The following B3GALNT2 variants were observed in gnomAD, a reference collection of about 807,000 sequenced individuals.
B3GALNT2 encodes UDP-GalNAc:beta-1,3-N-acetylgalactosaminyltransferase 2.
In B3GALNT2, 53 loss-of-function variants were observed where a neutral mutation model predicts 61.1. The ratio of observed to expected loss-of-function variants is 0.87; its 90% CI spans 0.70 to 1.09. B3GALNT2 has a LOEUF of 1.09. B3GALNT2 is among the 50% of genes least tolerant of loss of function. B3GALNT2 has a pLI of 0.00. For synonymous variants in B3GALNT2, 223 were observed against 237.4 expected (o/e 0.94, Z 0.56); for missense variants, 544 against 623.0 (o/e 0.87, Z 1.35).
At chr1:235,496,489 A>T (rs1237295863) in intron 1 of B3GALNT2, among the ~76,000 whole-genome samples, 1 of 152,038 alleles carries the variant, frequency 6.6e-6, no homozygotes, top group Admixed American at 6.6e-5. Context: ...ATCTGTGAAA[A>T]GCACTACATA....
At chr1:235,441,879 CTAAG>C in the B3GALNT2 span, 1 of 1,613,620 alleles carries the variant, frequency 6.2e-7, no homozygotes, top group African/African-American at 1.3e-5. Flanking sequence ...AAACCAGCTA[CTAAG>C]TAAGAATCTC....
rs1160754307 is a variant in B3GALNT2 at position 235,474,973 on chromosome 1, A to T, written c.652-4013T>A. On this transcript the variant is annotated intron_variant, in intron 5 of 11. Transcript: ENST00000366600. ...GACATATATATATATATATATATAT[A>T]TATATATATATATATTTTTTTTTTT... 3.7e-3 allele frequency among the ~76,000 whole-genome samples: 111 copies of T among 29,760 alleles called. 24 individuals carry two copies. In the East Asian group the frequency reaches 0.043, roughly 11 times the overall value. 19.5% of individuals were successfully genotyped at this position (29,760 alleles called of 152,430 possible).
chr1:235,498,335 CA>C (rs904494332), intron 1 of B3GALNT2, among the ~76,000 whole-genome samples: 17 of 152,170 alleles, frequency 1.1e-4, no homozygotes, highest in African/African-American at 2.9e-4. Context: ...AAGAAGTAAA[CA>C]TGATACAGAA....
intron 1 of B3GALNT2, among the ~76,000 whole-genome samples, chr1:235,499,916 A>T (rs291342): frequency 0.45 from 68,773 of 151,880 alleles, 16,195 homozygotes; most frequent in Non-Finnish European, 0.5. Context: ...TATAGAAAGG[A>T]GGTGGTGGGG....
At chr1:235,455,301 G>C (rs983336263) in intron 9 of B3GALNT2, among the ~76,000 whole-genome samples, 2 of 151,930 alleles carry the variant, frequency 1.3e-5, no homozygotes, top group African/African-American at 4.8e-5. Flanking sequence ...GTAGGGACAG[G>C]GTCTTGCAAC....
intron 5 of B3GALNT2, among the ~76,000 whole-genome samples, chr1:235,477,078 C>G (rs1684324693): frequency 6.6e-6 from 1 of 151,548 alleles, no homozygotes; most frequent in African/African-American, 2.4e-5. Flanking sequence ...GTCTTAATAA[C>G]TACAAAGGTA....
At position 235,504,323 on chromosome 1, in the gene B3GALNT2, A is replaced by G; in HGVS notation, c.-71T>C. 7.0e-7 allele frequency: 1 copy of G among 1,436,426 alleles called. No individual in the cohort carries two copies. The highest frequency in any genetic ancestry group is 1.3e-5 in the South Asian group (1 of 75,438). The allele number at this position is 1,436,426 out of a possible 1,614,324, so 89.0% of individuals were successfully genotyped here. ...AGGGAGGGGACCTGCAAGTGCGGAG[A>G]CTGAGGGGCGGCGGCTGACGAGCGA... On this transcript the variant is annotated 5_prime_UTR_variant, in exon 1 of 12. Transcript: ENST00000366600.
chr1:235,453,038 A>G, intron 11 of B3GALNT2, 52 bp downstream of exon 11: 1 of 1,480,708 alleles, frequency 6.8e-7, no homozygotes, highest in Non-Finnish European at 9.4e-7. Flanking sequence ...CTGTATATAG[A>G]AATCCACCTC....
intron 11 of B3GALNT2, 41 bp downstream of exon 11, chr1:235,453,049 C>G (rs755282896): frequency 6.5e-7 from 1 of 1,540,034 alleles, no homozygotes. Context: ...AATCCACCTC[C>G]TCAACTCTTA....
intron 5 of B3GALNT2, among the ~76,000 whole-genome samples, chr1:235,474,962 TATATATATATATATATATA>T: frequency 4.1e-5 from 1 of 24,264 alleles, no homozygotes; most frequent in Non-Finnish European, 7.6e-5. Context: ...TATATATATA[TATATATATATATATATATA>T]TATATATTTT....
intron 5 of B3GALNT2, among the ~76,000 whole-genome samples, chr1:235,474,973 ATATATATATATATATTTTTTT>A (rs1319558956): frequency 2.0e-4 from 6 of 29,784 alleles, no homozygotes; most frequent in East Asian, 1.6e-3. Context: ...ATATATATAT[ATATATATATATATATTTTTTT>A]TTTTTTTTTT....
At chr1:235,468,352 G>A (rs562882404) in intron 6 of B3GALNT2, among the ~76,000 whole-genome samples, 25 of 149,188 alleles carry the variant, frequency 1.7e-4, no homozygotes, top group Non-Finnish European at 3.0e-4. Flanking sequence ...TTAACTGTAT[G>A]TTTAAGCTAT....
At chr1:235,442,515 T>A (rs1254840875), downstream of B3GALNT2, among the ~76,000 whole-genome samples, 1 of 152,270 alleles carries the variant, frequency 6.6e-6, no homozygotes, top group Non-Finnish European at 1.5e-5. Context: ...TATACATTTT[T>A]GTAACTCCTA....
intron 5 of B3GALNT2, among the ~76,000 whole-genome samples, chr1:235,471,882 G>A (rs1440518313): frequency 6.6e-6 from 1 of 151,868 alleles, no homozygotes; most frequent in African/African-American, 2.4e-5. Flanking sequence ...AGGCTGGTCT[G>A]GAACTCCTGA....
chr1:235,442,039 CCT>C, the B3GALNT2 span, among the ~76,000 whole-genome samples: 4 of 150,722 alleles, frequency 2.7e-5, no homozygotes, highest in African/African-American at 4.9e-5. Flanking sequence ...ACAGAGTCTC[CCT>C]CTGTCTCCCA....
At chr1:235,454,052 T>C in intron 10 of B3GALNT2, 104 bp downstream of exon 10, 1 of 1,077,738 alleles carries the variant, frequency 9.3e-7, no homozygotes, top group Non-Finnish European at 1.3e-6. Flanking sequence ...TTACCCAGGC[T>C]GGTCTTGAAT....
chr1:235,467,507 G>A (rs1373167501), intron 6 of B3GALNT2, among the ~76,000 whole-genome samples: 6 of 133,834 alleles, frequency 4.5e-5, no homozygotes, highest in African/African-American at 1.7e-4. Context: ...TTTTTGAGAC[G>A]AAGTCTTGCT....
In B3GALNT2 at chr1:235,470,935, T is replaced by C; in HGVS notation, c.677A>G (p.Glu226Gly). The C allele has an allele frequency of 6.2e-7, 1 of 1,614,044 alleles. No individual in the cohort carries two copies. Among genetic ancestry groups the C allele is most frequent in the African/African-American group, 1.3e-5 (1 of 75,060 alleles). The change falls in exon 6 of 12, where the codon GAG (glutamate) becomes GGG (glycine). Residue 226 changes from glutamate to glycine, a missense_variant. By Grantham distance (98) the Glu-to-Gly change is moderately conservative. Coordinates refer to ENST00000366600, the MANE Select transcript of B3GALNT2 (RefSeq NM_152490.5). ...CACAAGGCCGTGGAGGTCTTGGCTC[T>C]CCCACACGATTGTACCTTCAAAGCT... ...PESFEGTIVW[E>G]SQDLHGLVSR...
chr1:235,448,054 C>G lies in B3GALNT2; in HGVS notation c.*2152G>C, dbSNP rs1020074035. Among the ~76,000 whole-genome samples, 1 of 151,946 alleles carries G rather than the reference C, an allele frequency of 6.6e-6. No homozygotes were observed. Among genetic ancestry groups the G allele is most frequent in the Non-Finnish European group, 1.5e-5 (1 of 67,970 alleles). Reference sequence around the variant, plus strand: ...TGAAACCCCGTCTCTACTAAAAATACAAAAGTTAGCTGGGTGTGGTGATGG... The same window carrying G: ...TGAAACCCCGTCTCTACTAAAAATAGAAAAGTTAGCTGGGTGTGGTGATGG... On this transcript the variant is annotated 3_prime_UTR_variant, in exon 12 of 12. Transcript: ENST00000366600.
Sources: gnomAD v4.1 joint callset for allele counts (sites outside exome capture counted in the v4.1 genomes callset) on GRCh38, gnomAD v4.1.1 for gene constraint, MANE v1.5 for transcripts, NCBI Gene and HGNC (gene_info 2026-07-23, HGNC 2026-07-21) for gene names.